Variants in UBAC2 observed in about 807,000 individuals in gnomAD.
UBAC2 encodes UBA domain containing 2, also known as ubiquitin-associated domain-containing protein 2.
A neutral mutation model predicts 44.0 loss-of-function variants in UBAC2; 26 were observed. The ratio of observed to expected loss-of-function variants is 0.59; its 90% CI spans 0.43 to 0.82. The LOEUF (loss-of-function observed/expected upper bound fraction) is 0.82. Ranked by LOEUF, UBAC2 falls within the 40% of genes least tolerant of loss-of-function variation. UBAC2 has a pLI of 0.00. For synonymous variants in UBAC2, 155 were observed against 154.3 expected (o/e 1.00, Z -0.04); for missense variants, 329 against 419.4 (o/e 0.78, Z 1.88).
chr13:99,380,480 C>A (rs61974215), intron 8 of UBAC2, among the ~76,000 whole-genome samples: 4,637 of 152,260 alleles, frequency 0.03, 92 homozygotes, highest in Middle Eastern at 0.13. Context: ...AGTTTTTGCT[C>A]CAGTTCTTAC....
chr13:99,263,696 C>T (rs770414208), intron 4 of UBAC2, among the ~76,000 whole-genome samples: 3 of 152,124 alleles, frequency 2.0e-5, no homozygotes, highest in Non-Finnish European at 4.4e-5. Context: ...AGAATGTTCA[C>T]GGTAACATTA....
chr13:99,350,771 G>A (rs994355523), intron 7 of UBAC2, among the ~76,000 whole-genome samples: 11 of 152,240 alleles, frequency 7.2e-5, no homozygotes, highest in African/African-American at 1.7e-4. Context: ...GGTTAGAACC[G>A]CAGGTTAGGT....
At chr13:99,348,242 C>T (rs567164955) in intron 7 of UBAC2, among the ~76,000 whole-genome samples, 243 of 152,294 alleles carry the variant, frequency 1.6e-3, no homozygotes, top group Non-Finnish European at 2.3e-3. Flanking sequence ...TTAAATAAGA[C>T]GCCGCCTGCG....
At chr13:99,381,102 C>T (rs2045544881) in intron 8 of UBAC2, among the ~76,000 whole-genome samples, 1 of 152,262 alleles carries the variant, frequency 6.6e-6, no homozygotes, top group African/African-American at 2.4e-5. Context: ...AGAAAGCTTT[C>T]GTTCTTACTC....
rs113454189 is a variant in UBAC2, at chr13:99,351,298, C to T, written c.807+10733C>T. Among the ~76,000 whole-genome samples the T allele has an allele frequency of 8.2e-3, 1,242 of 152,318 alleles. 11 individuals are homozygous for T. Among genetic ancestry groups the T allele is most frequent in the South Asian group, 0.056 (271 of 4,824 alleles). On this transcript the variant is annotated intron_variant, in intron 7 of 8. Transcript: ENST00000403766. ...CCTTGATAGTTATTACTCGTAAAAGCTTGTAACCTCTAGAGCAACAGTCAG... is the reference window on the plus strand; with the variant it reads ...CCTTGATAGTTATTACTCGTAAAAGTTTGTAACCTCTAGAGCAACAGTCAG...
chr13:99,356,513 A>T (rs1037760657), intron 7 of UBAC2, among the ~76,000 whole-genome samples: 4 of 152,372 alleles, frequency 2.6e-5, no homozygotes, highest in African/African-American at 9.6e-5. Context: ...TACTGTTTGA[A>T]GTATCTCATC....
chr13:99,219,509 C>T (rs1325180631), intron 1 of UBAC2, among the ~76,000 whole-genome samples: 1 of 152,180 alleles, frequency 6.6e-6, no homozygotes, highest in Non-Finnish European at 1.5e-5. Context: ...GCCCATGGGC[C>T]ATATGCGACC....
intron 8 of UBAC2, chr13:99,372,102 G>A (rs2045413934): frequency 6.6e-6 from 1 of 152,288 alleles, no homozygotes; most frequent in African/African-American, 2.4e-5. Context: ...GGCAGGCGGT[G>A]GGAGGCTGCA....
At chr13:99,238,291 T>G in intron 1 of UBAC2, 136 bp from the exon 2 acceptor site, 1 of 1,191,390 alleles carries the variant, frequency 8.4e-7, no homozygotes. Context: ...AAGTGGATAT[T>G]AGAACCAAAT....
At chr13:99,254,354 A>T (rs982317711) in intron 4 of UBAC2, among the ~76,000 whole-genome samples, 13 of 152,176 alleles carry the variant, frequency 8.5e-5, no homozygotes, top group African/African-American at 2.9e-4. Context: ...ATGAATTCAG[A>T]GTAGGGAAGG....
At chr13:99,244,972 A>G (rs2043365273) in intron 4 of UBAC2, among the ~76,000 whole-genome samples, 1 of 151,964 alleles carries the variant, frequency 6.6e-6, no homozygotes, top group Admixed American at 6.6e-5. Flanking sequence ...AGCTGGGACT[A>G]CAGGCACGTG....
intron 4 of UBAC2, among the ~76,000 whole-genome samples, chr13:99,261,904 T>C (rs1214880748): frequency 1.3e-5 from 2 of 152,254 alleles, no homozygotes; most frequent in Admixed American, 1.3e-4. Context: ...AATTTTGCTG[T>C]CTGAGGCTTC....
intron 2 of UBAC2, among the ~76,000 whole-genome samples, chr13:99,242,916 G>A (rs543656150): frequency 0.011 from 1,658 of 150,298 alleles, 40 homozygotes; most frequent in African/African-American, 0.038. Context: ...GACGATGGGC[G>A]GCCGGGTAGA....
chr13:99,382,115 G>A (rs1449470706), intron 8 of UBAC2, among the ~76,000 whole-genome samples: 4 of 152,204 alleles, frequency 2.6e-5, no homozygotes, highest in African/African-American at 7.2e-5. Flanking sequence ...TTGACCTGAC[G>A]TGTTTGACAT....
At chr13:99,375,703 A>G (rs8181880) in intron 8 of UBAC2, among the ~76,000 whole-genome samples, 25,242 of 152,196 alleles carry the variant, frequency 0.17, 2,334 homozygotes, top group Middle Eastern at 0.23. Context: ...TCTCATTGGA[A>G]TGAATGTCCC....
intron 1 of UBAC2, chr13:99,234,286 G>A (rs1594027843): frequency 1.2e-5 from 3 of 256,128 alleles, no homozygotes; most frequent in East Asian, 1.8e-4. Context: ...AGGTTCAAGC[G>A]ATTCAAGTGA....
intron 8 of UBAC2, among the ~76,000 whole-genome samples, chr13:99,371,306 T>C (rs181996152): frequency 6.6e-6 from 1 of 152,342 alleles, no homozygotes; most frequent in Non-Finnish European, 1.5e-5. Context: ...GGGTTGTTTT[T>C]AACATACACT....
chr13:99,255,228 A>G (rs779593606), intron 4 of UBAC2: 13 of 1,614,036 alleles, frequency 8.1e-6, no homozygotes, highest in African/African-American at 1.3e-5. Flanking sequence ...TCCTGCCGTG[A>G]AGGAGATTAT....
intron 1 of UBAC2, chr13:99,234,423 CAG>C: frequency 5.0e-6 from 1 of 199,024 alleles, no homozygotes; most frequent in Non-Finnish European, 1.1e-5. Flanking sequence ...CTCCTGACCT[CAG>C]GTGATCCGCC....
Sources: allele counts gnomAD v4.1 joint callset (sites outside exome capture counted in the v4.1 genomes callset), GRCh38; gene constraint gnomAD v4.1.1; transcripts MANE v1.5; gene names NCBI Gene and HGNC (gene_info 2026-07-23, HGNC 2026-07-21).